NKAIN2: variants seen among roughly 807,000 people sequenced by gnomAD.
NKAIN2 encodes sodium/potassium transporting ATPase interacting 2, also known as sodium/potassium-transporting ATPase subunit beta-1-interacting protein 2.
In NKAIN2, 14 loss-of-function variants were observed where a neutral mutation model predicts 32.6. The ratio of observed to expected loss-of-function variants is 0.43; its 90% confidence interval spans 0.28 to 0.67. The LOEUF is 0.67. Among genes scored for constraint, NKAIN2 ranks in the 30% least tolerant of loss-of-function variants. The probability of loss-of-function intolerance (pLI) is 0.17; values close to 1 mark genes in which losing one functional copy is unlikely to be tolerated. For synonymous variants in NKAIN2, 80 were observed against 87.2 expected, an observed-to-expected ratio of 0.92 and a Z score of 0.46; for missense variants, 198 against 258.3, an observed-to-expected ratio of 0.77 and a Z score of 1.60.
At chr6:124,613,358 C>T (rs1782765177) in intron 3 of NKAIN2, among the ~76,000 whole-genome samples, 1 of 152,100 alleles carries the variant, frequency 6.6e-6, no homozygotes, top group Admixed American at 6.6e-5. Flanking sequence ...GCATGTCTTC[C>T]TACTGAGAGA....
chr6:123,833,611 A>C (rs1009863867), intron 1 of NKAIN2, among the ~76,000 whole-genome samples: 1 of 151,440 alleles, frequency 6.6e-6, no homozygotes, highest in Non-Finnish European at 1.5e-5. Context: ...AGTTTTCCTC[A>C]CACGGATTTT....
At chr6:124,489,556 T>G (rs1273930800) in intron 3 of NKAIN2, among the ~76,000 whole-genome samples, 2 of 151,860 alleles carry the variant, frequency 1.3e-5, no homozygotes, top group African/African-American at 2.4e-5. Flanking sequence ...TATATCAGCC[T>G]ACAGTTGGGC....
chr6:124,673,522 C>T (rs1401301236), intron 4 of NKAIN2, among the ~76,000 whole-genome samples: 2 of 152,024 alleles, frequency 1.3e-5, no homozygotes, highest in Non-Finnish European at 2.9e-5. Context: ...TTCTCCACAT[C>T]GTTGTCAACA....
chr6:124,264,700 CATAGCCTTATCATTTTTGCATTT>C, intron 1 of NKAIN2, among the ~76,000 whole-genome samples: 1 of 152,148 alleles, frequency 6.6e-6, no homozygotes, highest in African/African-American at 2.4e-5. Context: ...TAGCAGCTAC[CATAGCCTTATCATTTTTGCATTT>C]TTGTGATAAA....
intron 3 of NKAIN2, among the ~76,000 whole-genome samples, chr6:124,557,793 A>G (rs574206194): frequency 4.3e-4 from 65 of 152,300 alleles, no homozygotes; most frequent in African/African-American, 1.5e-3. Flanking sequence ...TGGCTTAAAG[A>G]AGAGGTTTTC....
Position 124,605,866 on chromosome 6 carries a change from G to C in NKAIN2, c.274-52320G>C, listed in dbSNP as rs1782478800. Among the ~76,000 whole-genome samples, 3 of 152,114 alleles carry C rather than the reference G, an allele frequency of 2.0e-5. No individual in the cohort carries two copies. The South Asian group carries it at 6.2e-4, about 32-fold the overall frequency. ...ACTGTATCTGTCCCTTCAGTTTACA[G>C]ATATTAGGGAGCAGGGGGACAGTCT... is the stretch of plus-strand genomic sequence containing the variant. On this transcript the variant is annotated intron_variant, in intron 3 of 6. Transcript: ENST00000368417.
intron 1 of NKAIN2, among the ~76,000 whole-genome samples, chr6:124,120,577 A>G (rs1785831586): frequency 1.3e-5 from 2 of 152,156 alleles, no homozygotes; most frequent in South Asian, 2.1e-4. Flanking sequence ...AAGTAAGACA[A>G]CTAAAGTCTT....
At chr6:124,101,784 C>G (rs1784903783) in intron 1 of NKAIN2, among the ~76,000 whole-genome samples, 1 of 152,034 alleles carries the variant, frequency 6.6e-6, no homozygotes, top group African/African-American at 2.4e-5. Context: ...ACATGACTGA[C>G]TTAGGTGAGT....
chr6:123,975,537 C>T (rs1054654042), intron 1 of NKAIN2, among the ~76,000 whole-genome samples: 1 of 152,130 alleles, frequency 6.6e-6, no homozygotes, highest in Non-Finnish European at 1.5e-5. Context: ...TCCACTTGGA[C>T]TGCTGTAACA....
chr6:123,876,414 A>G, intron 1 of NKAIN2, among the ~76,000 whole-genome samples: 1 of 152,178 alleles, frequency 6.6e-6, no homozygotes, highest in East Asian at 1.9e-4. Context: ...CAGAGAACAG[A>G]ACCAATAGGA....
At chr6:124,313,072 C>A (rs1019838326) in intron 2 of NKAIN2, among the ~76,000 whole-genome samples, 6 of 152,014 alleles carry the variant, frequency 3.9e-5, no homozygotes, top group Non-Finnish European at 5.9e-5. Context: ...GGAAAAAAAA[C>A]CATTTATACA....
At chr6:124,250,956 T>A (rs1220093211) in intron 1 of NKAIN2, among the ~76,000 whole-genome samples, 2 of 151,980 alleles carry the variant, frequency 1.3e-5, no homozygotes, top group Non-Finnish European at 2.9e-5. Context: ...ATTTAAATGA[T>A]GGCAAATAAA....
intron 1 of NKAIN2, among the ~76,000 whole-genome samples, chr6:124,225,807 T>C (rs73770371): frequency 0.013 from 2,044 of 152,140 alleles, 44 homozygotes; most frequent in African/African-American, 0.047. Flanking sequence ...CACAAATACC[T>C]CTGAGACAAA....
At chr6:124,107,266 G>A (rs1329717156) in intron 1 of NKAIN2, among the ~76,000 whole-genome samples, 1 of 152,168 alleles carries the variant, frequency 6.6e-6, no homozygotes, top group African/African-American at 2.4e-5. Flanking sequence ...GGCTTTACTT[G>A]TGAGTTAGTC....
At chr6:124,514,042 T>C (rs1366590421) in intron 3 of NKAIN2, among the ~76,000 whole-genome samples, 4 of 152,136 alleles carry the variant, frequency 2.6e-5, no homozygotes, top group Admixed American at 2.6e-4. Context: ...AAGAGAGATA[T>C]TCATGAACCA....
intron 1 of NKAIN2, among the ~76,000 whole-genome samples, chr6:123,847,187 C>G (rs1294908913): frequency 2.0e-5 from 3 of 152,216 alleles, no homozygotes; most frequent in Non-Finnish European, 4.4e-5. Context: ...GAAACATATT[C>G]TGCCATCTCT....
intron 3 of NKAIN2, among the ~76,000 whole-genome samples, chr6:124,526,382 G>A (rs1464225305): frequency 1.3e-5 from 2 of 152,024 alleles, no homozygotes; most frequent in Non-Finnish European, 2.9e-5. Context: ...TATCTTACAG[G>A]TTAAAAAATG....
chr6:124,330,292 G>A (rs192002832), intron 2 of NKAIN2, among the ~76,000 whole-genome samples: 9 of 152,210 alleles, frequency 5.9e-5, no homozygotes, highest in South Asian at 2.1e-4. Context: ...TCAGTACCTC[G>A]GTAATAGACT....
intron 1 of NKAIN2, among the ~76,000 whole-genome samples, chr6:123,936,843 AATACTATT>A (rs1463490696): frequency 1.3e-5 from 2 of 152,182 alleles, no homozygotes; most frequent in Non-Finnish European, 2.9e-5. Context: ...CATGGTGTTC[AATACTATT>A]ATTCTAGTGG....
Sources: allele counts gnomAD v4.1 joint callset (sites outside exome capture counted in the v4.1 genomes callset), GRCh38; gene constraint gnomAD v4.1.1; transcripts MANE v1.5; gene names NCBI Gene and HGNC (gene_info 2026-07-23, HGNC 2026-07-21).